Variants in ROBO1 observed in about 807,000 individuals in gnomAD.
ROBO1 encodes the protein roundabout guidance receptor 1, also known as roundabout homolog 1.
ROBO1 carries 149 observed loss-of-function variants against 195.9 expected under a neutral mutation model. That is an observed-to-expected ratio of 0.76 (90% CI 0.67 to 0.87). ROBO1 has a LOEUF of 0.87. ROBO1 is among the 40% of genes least tolerant of loss of function. ROBO1 has a pLI of 0.00. For synonymous variants in ROBO1, 816 were observed against 733.2 expected (o/e 1.11, Z -1.82); for missense variants, 1,933 against 2,068.3 (o/e 0.93, Z 1.27).
At chr3:78,628,262 T>G (rs1385443658) in intron 25 of ROBO1, among the ~76,000 whole-genome samples, 1 of 152,088 alleles carries the variant, frequency 6.6e-6, no homozygotes, top group Non-Finnish European at 1.5e-5. Context: ...CCAAGAAAAA[T>G]TACTCTTAAC....
intron 1 of ROBO1, among the ~76,000 whole-genome samples, chr3:79,648,622 C>A (rs1945905691): frequency 6.6e-6 from 1 of 151,988 alleles, no homozygotes; most frequent in Admixed American, 6.6e-5. Flanking sequence ...ATTAAAATGA[C>A]AACAATGACC....
intron 2 of ROBO1, among the ~76,000 whole-genome samples, chr3:79,245,126 T>G (rs927978632): frequency 1.3e-5 from 2 of 152,124 alleles, no homozygotes; most frequent in African/African-American, 4.8e-5. Context: ...TTTTAAACCA[T>G]TGGATCTATT....
At chr3:79,395,340 A>AAAAAAAAAAAAAAAG (rs71631648) in intron 2 of ROBO1, among the ~76,000 whole-genome samples, 5 of 119,062 alleles carry the variant, frequency 4.2e-5, no homozygotes, top group Admixed American at 1.0e-4. Context: ...AAAAAAAAAA[A>AAAAAAAAAAAAAAAG]AAAGAAAGAA....
intron 3 of ROBO1, among the ~76,000 whole-genome samples, chr3:78,956,259 T>C (rs1158211377): frequency 6.6e-6 from 1 of 152,088 alleles, no homozygotes; most frequent in African/African-American, 2.4e-5. Flanking sequence ...ATAGACAAAA[T>C]AAGCCATAAA....
intron 2 of ROBO1, among the ~76,000 whole-genome samples, chr3:79,245,935 C>T (rs1017068992): frequency 3.3e-5 from 5 of 152,004 alleles, no homozygotes; most frequent in African/African-American, 9.7e-5. Flanking sequence ...TACACTTTTC[C>T]CTTTACTGGG....
rs552294151 is a variant in ROBO1, at chr3:79,214,727, A to ATC, written c.89-89189_89-89188insGA. On this transcript the variant is annotated intron_variant, in intron 2 of 30. Transcript: ENST00000464233. ...CTGTTAGTAATTGCTATATATATAT[A>ATC]TTTGCTATATATATATATAGCATGT... 3.0e-4 allele frequency among the ~76,000 whole-genome samples: 45 copies of ATC among 147,980 alleles called. 1 individual carries two copies. In the South Asian group the frequency reaches 6.5e-3, roughly 22 times the overall value.
intron 3 of ROBO1, among the ~76,000 whole-genome samples, chr3:79,057,243 T>A (rs905967562): frequency 6.6e-6 from 1 of 151,888 alleles, no homozygotes; most frequent in Non-Finnish European, 1.5e-5. Flanking sequence ...AAAGGCAGAG[T>A]TAATTTCTGT....
At chr3:79,762,576 AAGTG>A (rs530236193) in intron 1 of ROBO1, among the ~76,000 whole-genome samples, 42 of 149,670 alleles carry the variant, frequency 2.8e-4, no homozygotes, top group Non-Finnish European at 5.6e-4. Flanking sequence ...AAAAATAAGA[AAGTG>A]AGAACCATTT....
At chr3:79,736,612 T>A (rs1282300019) in intron 1 of ROBO1, among the ~76,000 whole-genome samples, 1 of 152,176 alleles carries the variant, frequency 6.6e-6, no homozygotes, top group Non-Finnish European at 1.5e-5. Context: ...GTGTACCTCC[T>A]CAAAGTTTTA....
chr3:78,755,960 C>G (rs944517799), intron 4 of ROBO1, among the ~76,000 whole-genome samples: 1 of 152,002 alleles, frequency 6.6e-6, no homozygotes, highest in Admixed American at 6.6e-5. Context: ...TGATAATATT[C>G]ATTGATCAAT....
At chr3:78,727,153 C>T (rs1440849256) in intron 5 of ROBO1, among the ~76,000 whole-genome samples, 1 of 150,828 alleles carries the variant, frequency 6.6e-6, no homozygotes, top group African/African-American at 2.4e-5. Flanking sequence ...GTACAAATGA[C>T]AGACAAAGAA....
intron 3 of ROBO1, among the ~76,000 whole-genome samples, chr3:79,010,955 A>G (rs2077762132): frequency 6.6e-6 from 1 of 152,170 alleles, no homozygotes; most frequent in African/African-American, 2.4e-5. Flanking sequence ...GTTCTACCAG[A>G]TTGCTAGGAA....
intron 1 of ROBO1, among the ~76,000 whole-genome samples, chr3:79,619,612 TAGAG>T (rs1944939808): frequency 6.6e-6 from 1 of 152,104 alleles, no homozygotes; most frequent in Non-Finnish European, 1.5e-5. Context: ...AACTTCCTCT[TAGAG>T]AGGTGGCTAG....
chr3:79,206,355 C>A (rs1440101342), intron 2 of ROBO1, among the ~76,000 whole-genome samples: 3 of 152,016 alleles, frequency 2.0e-5, no homozygotes, highest in Admixed American at 2.0e-4. Context: ...ACTGTGCTGG[C>A]AATTTAGATA....
At chr3:78,907,450 T>C (rs1285106939) in intron 4 of ROBO1, among the ~76,000 whole-genome samples, 1 of 152,048 alleles carries the variant, frequency 6.6e-6, no homozygotes, top group African/African-American at 2.4e-5. Context: ...GAGCCCCTCC[T>C]TGAGATTTTG....
intron 1 of ROBO1, among the ~76,000 whole-genome samples, chr3:79,640,539 G>A (rs969396356): frequency 2.0e-5 from 3 of 152,092 alleles, no homozygotes; most frequent in African/African-American, 7.2e-5. Flanking sequence ...ACCGACTTCA[G>A]TCCGGCTGTC....
At chr3:79,668,168 A>G (rs1015166108) in intron 1 of ROBO1, among the ~76,000 whole-genome samples, 17 of 151,864 alleles carry the variant, frequency 1.1e-4, no homozygotes, top group African/African-American at 3.6e-4. Flanking sequence ...TTTATTTTAT[A>G]CATTACTGTA....
intron 1 of ROBO1, among the ~76,000 whole-genome samples, chr3:79,741,685 G>T (rs957549742): frequency 3.3e-5 from 5 of 152,182 alleles, no homozygotes; most frequent in Admixed American, 1.3e-4. Context: ...AACAGGCAGA[G>T]GTTGGAACAG....
chr3:79,741,599 A>G (rs1477232967), intron 1 of ROBO1, among the ~76,000 whole-genome samples: 1 of 152,208 alleles, frequency 6.6e-6, no homozygotes, highest in Non-Finnish European at 1.5e-5. Context: ...AAGATGCTTG[A>G]TAAAATGCCA....
Sources: allele counts gnomAD v4.1 joint callset (sites outside exome capture counted in the v4.1 genomes callset), GRCh38; gene constraint gnomAD v4.1.1; transcripts MANE v1.5; gene names NCBI Gene and HGNC (gene_info 2026-07-23, HGNC 2026-07-21).